Variants in SYCP2L observed in about 807,000 individuals in gnomAD.
SYCP2L encodes the protein synaptonemal complex protein 2 like, also known as synaptonemal complex protein 2-like.
SYCP2L carries 98 observed loss-of-function variants against 125.8 expected under a neutral mutation model. That is an observed-to-expected ratio of 0.78 (90% CI 0.66 to 0.92). SYCP2L has a LOEUF of 0.92. SYCP2L is among the 40% of genes least tolerant of loss of function. The probability of loss-of-function intolerance (pLI) is 0.00; values close to 1 mark genes in which losing one functional copy is unlikely to be tolerated. For missense variants in SYCP2L, 842 were observed against 936.4 expected, an observed-to-expected ratio of 0.90 and a Z score of 1.32; for synonymous variants, 317 against 325.4, an observed-to-expected ratio of 0.97 and a Z score of 0.28.
intron 17 of SYCP2L, among the ~76,000 whole-genome samples, 177 bp from the exon 18 acceptor site, chr6:10,928,226 T>A (rs1231671047): frequency 6.6e-6 from 1 of 151,670 alleles, no homozygotes; most frequent in Non-Finnish European, 1.5e-5. Context: ...ACCCTTGTGA[T>A]ACAAGGGTAT....
intron 2 of SYCP2L, among the ~76,000 whole-genome samples, chr6:10,893,350 G>T (rs1780207284): frequency 6.6e-6 from 1 of 152,182 alleles, no homozygotes; most frequent in African/African-American, 2.4e-5. Context: ...AGGCAGAAAA[G>T]ATGAATTTCA....
chr6:10,942,735 TG>T lies in SYCP2L; in HGVS notation c.1945del (p.Glu649LysfsTer30). ...STSLKHKLRN[L>X]EDKDIPEGSF... is the part of the protein sequence containing the mutation. ...AGCTTGAAACATAAGCTGAGAAACT[TG>T]GAAGACAAAGGTAAGAGAATAGTAC... On this transcript the variant is annotated frameshift_variant, in exon 23 of 30. Coordinates refer to ENST00000283141, the MANE Select transcript of SYCP2L (RefSeq NM_001040274.3). LOFTEE classifies it high-confidence loss of function. 2 of 1,611,170 alleles carry T rather than the reference TG, an allele frequency of 1.2e-6. No individual in the cohort carries two copies. Among genetic ancestry groups the T allele is most frequent in the Non-Finnish European group, 1.7e-6 (2 of 1,179,224 alleles).
At position 10,912,517 on chromosome 6, in the gene SYCP2L, G is replaced by A. The variant is rs1474179419; in HGVS notation, c.919-156G>A. On this transcript the variant is annotated intron_variant, in intron 12 of 29. Coordinates refer to ENST00000283141, the MANE Select transcript of SYCP2L (RefSeq NM_001040274.3). The surrounding 1 kb of genome is among the most constrained non-coding windows in gnomAD (Gnocchi z 4.1). ...AGTTCTATAAAATTGAGATCCTTCT[G>A]TTTTGCACAAAAGAGTCAGTCAATA... is the stretch of plus-strand genomic sequence containing the variant. 6.6e-6 allele frequency among the ~76,000 whole-genome samples: 1 copy of A among 152,154 alleles called. No individual in the cohort carries two copies. The highest frequency in any genetic ancestry group is 1.5e-5 in the Non-Finnish European group (1 of 68,016).
chr6:10,930,091 A>T (rs1780964397), intron 18 of SYCP2L: 5 of 232,754 alleles, frequency 2.1e-5, no homozygotes, highest in African/African-American at 2.3e-5. Context: ...CAATATTGAG[A>T]TTGGTCTGCT....
chr6:10,942,577 C>T, intron 22 of SYCP2L, 48 bp downstream of exon 22: 1 of 1,571,214 alleles, frequency 6.4e-7, no homozygotes, highest in Non-Finnish European at 8.7e-7. Flanking sequence ...GAATTAATAT[C>T]ATATTTGCAT....
chr6:10,940,265 A>C (rs905155755), intron 21 of SYCP2L, among the ~76,000 whole-genome samples: 1 of 152,198 alleles, frequency 6.6e-6, no homozygotes, highest in African/African-American at 2.4e-5. Flanking sequence ...TATTGTGGAA[A>C]ACAGTATGGT....
At chr6:10,973,665 A>G (rs1781813374) in intron 29 of SYCP2L, among the ~76,000 whole-genome samples, 1 of 152,230 alleles carries the variant, frequency 6.6e-6, no homozygotes, top group Admixed American at 6.5e-5. Flanking sequence ...TCTTATCTCC[A>G]ACATCCAACA....
rs200824046 is a variant in SYCP2L, at chr6:10,928,440, C to T, written c.1478C>T (p.Pro493Leu). The change falls in exon 18 of 30, where the codon CCG becomes CTG. Residue 493 changes from proline (P) to leucine (L), a missense_variant. Physicochemically the swap from Pro to Leu is moderately conservative, Grantham distance 98. Transcript: ENST00000283141. ...PVPPFGVPDF[P>L]QQPKSHYRKH... ...CCTCCGTTCGGGGTCCCTGACTTCC[C>T]GCAACAACCTGTGAGTACAGGGAGT... 69 of 1,585,116 alleles carry T rather than the reference C, an allele frequency of 4.4e-5. No homozygotes were observed. Among genetic ancestry groups the T allele is most frequent in the Admixed American group, 8.9e-5 (5 of 56,394 alleles).
intron 14 of SYCP2L, among the ~76,000 whole-genome samples, chr6:10,924,035 G>A (rs1780855889): frequency 6.6e-6 from 1 of 152,174 alleles, no homozygotes; most frequent in Non-Finnish European, 1.5e-5. Flanking sequence ...GGAGTCCATT[G>A]AAATGGTGGT....
In SYCP2L at chr6:10,912,002, T is replaced by C. The variant is rs181644087; in HGVS notation, c.919-671T>C. On this transcript the variant is annotated intron_variant, in intron 12 of 29. Coordinates refer to ENST00000283141, the MANE Select transcript of SYCP2L (RefSeq NM_001040274.3). The surrounding 1 kb of genome is among the most constrained non-coding windows in gnomAD (Gnocchi z 4.1). ...CTGCCAACTCCGCCTCCCGGGTTCA[T>C]GCCATTCTCCTGCCTCAGCCTCCCG... Among the ~76,000 whole-genome samples the C allele has an allele frequency of 7.8e-3, 1,114 of 143,342 alleles. 17 individuals are homozygous for C. The highest frequency in any genetic ancestry group is 0.027 in the African/African-American group (1,048 of 39,206). The allele number at this position is 143,342 out of a possible 152,430, so 94.0% of individuals were successfully genotyped here. A position where few individuals can be genotyped will look rare whatever the true frequency, so the allele number is the denominator to read the frequency against.
At chr6:10,916,617 T>C (rs1780699042) in intron 14 of SYCP2L, among the ~76,000 whole-genome samples, 1 of 152,248 alleles carries the variant, frequency 6.6e-6, no homozygotes, top group South Asian at 2.1e-4. Flanking sequence ...TTCCATGTAT[T>C]TGCATGGTTT....
intron 20 of SYCP2L, among the ~76,000 whole-genome samples, chr6:10,932,898 C>A (rs553564069): frequency 6.6e-6 from 1 of 152,162 alleles, no homozygotes; most frequent in Admixed American, 6.5e-5. Context: ...GGATTACAGG[C>A]GTCTGCCACC....
intron 29 of SYCP2L, among the ~76,000 whole-genome samples, chr6:10,970,839 G>A (rs1781757392): frequency 6.6e-6 from 1 of 152,130 alleles, no homozygotes; most frequent in South Asian, 2.1e-4. Context: ...AGTATAGAGA[G>A]GAAGCCCAGG....
chr6:10,902,736 A>T lies in SYCP2L; in HGVS notation c.526A>T (p.Thr176Ser), dbSNP rs765621282. The T allele has an allele frequency of 5.0e-6, 8 of 1,614,050 alleles. No homozygotes were observed. In the African/African-American group the frequency reaches 8.0e-5, roughly 16 times the overall value. ...LSLGFLVTEK[T>S]VNHLLQQEGL... ...CTTAGGATTCCTGGTGACAGAAAAGACTGTAAATCATTTGCTTCAACAGGA... is the reference window on the plus strand; with the variant it reads ...CTTAGGATTCCTGGTGACAGAAAAGTCTGTAAATCATTTGCTTCAACAGGA... The change falls in exon 7 of 30, where the codon ACT (threonine) becomes TCT (serine). Residue 176 changes from threonine (T) to serine (S), a missense_variant. Transcript: ENST00000283141.
At chr6:10,914,297 A>G (rs1012099680) in intron 14 of SYCP2L, among the ~76,000 whole-genome samples, 2 of 151,830 alleles carry the variant, frequency 1.3e-5, no homozygotes, top group Non-Finnish European at 2.9e-5. Context: ...CCCTACTTTT[A>G]TGTTTTTGTT....
chr6:10,910,063 A>G lies in SYCP2L; in HGVS notation c.820-85A>G. 7.3e-6 allele frequency: 8 copies of G among 1,100,804 alleles called. No individual in the cohort carries two copies. The South Asian group carries it at 1.1e-4, about 15-fold the overall frequency. 68.2% of individuals were successfully genotyped at this position (1,100,804 alleles called of 1,614,324 possible). A position where few individuals can be genotyped will look rare whatever the true frequency, so the allele number is the denominator to read the frequency against. On this transcript the variant is annotated intron_variant, in intron 10 of 29. Transcript: ENST00000283141. The stretch of plus-strand genomic sequence containing the variant: ...ACTGCCTCCTGGTCATTTAGAAGCA[A>G]ACACTGGCCTCTGTATGCTAAGGTA...
At chr6:10,933,889 T>TA (rs1298606765) in intron 20 of SYCP2L, among the ~76,000 whole-genome samples, 1 of 152,218 alleles carries the variant, frequency 6.6e-6, no homozygotes, top group Non-Finnish European at 1.5e-5. Flanking sequence ...AGTATCCCCT[T>TA]ACACTAATTC....
intron 1 of SYCP2L, among the ~76,000 whole-genome samples, chr6:10,889,616 CTTTT>C (rs34273350): frequency 3.9e-5 from 4 of 101,402 alleles, no homozygotes; most frequent in Non-Finnish European, 5.6e-5. Flanking sequence ...TGAGATCAGC[CTTTT>C]TTTTTTTTTT....
chr6:10,920,960 A>G (rs1225756), intron 14 of SYCP2L, among the ~76,000 whole-genome samples: 70,224 of 151,854 alleles, frequency 0.46, 16,451 homozygotes, highest in East Asian at 0.63. Context: ...TACATGTGCC[A>G]TAGTGGTTTG....
Sources: gnomAD v4.1 joint callset for allele counts (sites outside exome capture counted in the v4.1 genomes callset) on GRCh38, gnomAD v4.1.1 for gene constraint, Gnocchi (gnomAD v3.1) non-coding constraint, MANE v1.5 for transcripts, NCBI Gene and HGNC (gene_info 2026-07-23, HGNC 2026-07-21) for gene names.